Variants in FBN2 observed in about 807,000 individuals in gnomAD.
FBN2 encodes the protein fibrillin 2.
Under a neutral mutation model 355.6 loss-of-function variants are expected in FBN2, and 105 were observed. The observed-to-expected ratio is 0.30, with a 90% CI of 0.25 to 0.35. FBN2 has a LOEUF of 0.35. Among genes scored for constraint, FBN2 ranks in the 10% least tolerant of loss-of-function variants. The pLI is 1.00. For synonymous variants in FBN2, 1,350 were observed against 1,301.2 expected (o/e 1.04, Z -0.81); for missense variants, 3,280 against 3,758.7 (o/e 0.87, Z 3.33).
intron 26 of FBN2, 138 bp from the exon 27 acceptor site, chr5:128,338,260 C>T (rs1271495646): frequency 6.8e-6 from 6 of 880,286 alleles, no homozygotes; most frequent in Non-Finnish European, 1.1e-5. Context: ...GATGGGATAA[C>T]GCTTTCCTCA....
intron 8 of FBN2, among the ~76,000 whole-genome samples, chr5:128,405,551 A>G (rs1752905325): frequency 1.3e-5 from 2 of 152,252 alleles, no homozygotes; most frequent in Non-Finnish European, 2.9e-5. Context: ...TCTTATCTGA[A>G]TAAAATGAGG....
chr5:128,317,640 A>T (rs1040395731), intron 36 of FBN2, among the ~76,000 whole-genome samples: 4 of 152,138 alleles, frequency 2.6e-5, no homozygotes, highest in African/African-American at 9.7e-5. Context: ...TTGTTTTTTT[A>T]AGATCAGAGG....
At chr5:128,423,737 C>A (rs1211518886) in intron 7 of FBN2, among the ~76,000 whole-genome samples, 1 of 152,076 alleles carries the variant, frequency 6.6e-6, no homozygotes, top group East Asian at 1.9e-4. Context: ...GGGAGATCCA[C>A]ATAGGAAAGT....
intron 5 of FBN2, among the ~76,000 whole-genome samples, chr5:128,510,027 A>G (rs1413431150): frequency 6.6e-6 from 1 of 152,188 alleles, no homozygotes; most frequent in African/African-American, 2.4e-5. Flanking sequence ...CAGCCTCTGT[A>G]GATGTCACAA....
chr5:128,306,031 C>G, intron 42 of FBN2, 83 bp from the exon 43 acceptor site: 1 of 1,307,132 alleles, frequency 7.7e-7, no homozygotes, highest in Non-Finnish European at 1.1e-6. Flanking sequence ...CTACATGTAC[C>G]CTGGGATGAG....
At chr5:128,472,237 T>C (rs958571660) in intron 5 of FBN2, among the ~76,000 whole-genome samples, 1 of 152,208 alleles carries the variant, frequency 6.6e-6, no homozygotes, top group Non-Finnish European at 1.5e-5. Context: ...GTGCATATTG[T>C]GCTGAGTGAA....
At chr5:128,314,002 C>G (rs1484225752) in intron 36 of FBN2, among the ~76,000 whole-genome samples, 1 of 151,296 alleles carries the variant, frequency 6.6e-6, no homozygotes, top group Non-Finnish European at 1.5e-5. Flanking sequence ...AGTTTTCTAA[C>G]TCTTTTCTCA....
chr5:128,349,594 T>G, intron 22 of FBN2, 122 bp from the exon 23 acceptor site: 1 of 1,236,902 alleles, frequency 8.1e-7, no homozygotes, highest in Non-Finnish European at 1.2e-6. Context: ...ATTACTTGAG[T>G]TAAACAGAAA....
rs1036904554 is a variant in FBN2, at chr5:128,309,693, A to G, written c.5200+290T>C. On this transcript the variant is annotated intron_variant, in intron 40 of 64. Transcript: ENST00000262464. ...AAAAAAATAAAGCATTAAAATTTAA[A>G]TGTTCTTTTATTTGTAAATTAATGT... is the stretch of plus-strand genomic sequence containing the variant. Among the ~76,000 whole-genome samples the G allele has an allele frequency of 1.6e-4, 25 of 152,304 alleles. No homozygotes were observed. The South Asian group carries it at 4.8e-3, about 29-fold the overall frequency.
intron 5 of FBN2, among the ~76,000 whole-genome samples, chr5:128,474,312 C>A (rs544204131): frequency 6.6e-6 from 1 of 152,040 alleles, no homozygotes; most frequent in East Asian, 1.9e-4. Flanking sequence ...AATAAGGGGG[C>A]CAGAGATATA....
chr5:128,481,952 T>G (rs1448342426), intron 5 of FBN2, among the ~76,000 whole-genome samples: 1 of 152,124 alleles, frequency 6.6e-6, no homozygotes, highest in Non-Finnish European at 1.5e-5. Flanking sequence ...TCTTATACTG[T>G]GGGTTCCATA....
At chr5:128,437,955 G>A (rs963365441) in intron 7 of FBN2, among the ~76,000 whole-genome samples, 4 of 152,166 alleles carry the variant, frequency 2.6e-5, no homozygotes, top group Non-Finnish European at 5.9e-5. Context: ...TTTGTTTGCA[G>A]TTGGTGACCA....
At chr5:128,515,500 G>T (rs1176889038) in intron 5 of FBN2, among the ~76,000 whole-genome samples, 1 of 152,130 alleles carries the variant, frequency 6.6e-6, no homozygotes, top group Non-Finnish European at 1.5e-5. Context: ...GTGAGTGAGA[G>T]CCCCTGACTA....
intron 5 of FBN2, among the ~76,000 whole-genome samples, chr5:128,494,291 G>C (rs1459407631): frequency 6.6e-6 from 1 of 152,164 alleles, no homozygotes; most frequent in Non-Finnish European, 1.5e-5. Context: ...ATTTAAAATA[G>C]ATAAAGTAGG....
rs532983875 is a variant in FBN2 at position 128,344,386 on chromosome 5, C to T, written c.3342G>A (p.Thr1114=). Residue 1114 remains threonine (T), a splice_region_variant and synonymous_variant, in exon 25 of 65, where the codon ACG becomes ACA. Transcript: ENST00000262464. The part of the protein sequence containing the change: ...FALDMEERNC[T]DIDECRISPD... ...AATAAAACAGCAGAACCATCTTACCCGTGCAGTTTCTTTCCTCCATGTCTA... is the reference window on the plus strand; with the variant it reads ...AATAAAACAGCAGAACCATCTTACCTGTGCAGTTTCTTTCCTCCATGTCTA... 29 of 1,614,036 alleles carry T rather than the reference C, an allele frequency of 1.8e-5. No individual in the cohort carries two copies. The highest frequency in any genetic ancestry group is 1.3e-4 in the African/African-American group (10 of 75,042).
At chr5:128,301,563 G>A in intron 46 of FBN2, 53 bp from the exon 47 acceptor site, 1 of 1,560,164 alleles carries the variant, frequency 6.4e-7, no homozygotes, top group South Asian at 1.1e-5. Flanking sequence ...CATGTATATT[G>A]TTTCACAAGA....
chr5:128,475,181 C>T (rs193027668), intron 5 of FBN2, among the ~76,000 whole-genome samples: 2 of 152,094 alleles, frequency 1.3e-5, no homozygotes, highest in African/African-American at 4.8e-5. Flanking sequence ...GCAAAGACAT[C>T]CCCCGGTCTC....
At chr5:128,446,631 A>G (rs1754071610) in intron 6 of FBN2, 25 bp from the exon 7 acceptor site, 1 of 1,611,380 alleles carries the variant, frequency 6.2e-7, no homozygotes, top group Non-Finnish European at 8.5e-7. Context: ...CATTTTGAAC[A>G]CAGATGACAC....
intron 33 of FBN2, among the ~76,000 whole-genome samples, chr5:128,329,744 C>A (rs556325329): frequency 7.6e-4 from 116 of 152,290 alleles, no homozygotes; most frequent in African/African-American, 2.7e-3. Context: ...GATGAGGCTG[C>A]ATTTTTGATG....
Sources: gnomAD v4.1 joint callset for allele counts (sites outside exome capture counted in the v4.1 genomes callset) on GRCh38, gnomAD v4.1.1 for gene constraint, MANE v1.5 for transcripts, NCBI Gene and HGNC (gene_info 2026-07-23, HGNC 2026-07-21) for gene names.